UBE2E2: variants seen among roughly 807,000 people sequenced by gnomAD.
UBE2E2 encodes ubiquitin-conjugating enzyme E2 E2.
A neutral mutation model predicts 24.7 loss-of-function variants in UBE2E2; 6 were observed. The observed-to-expected ratio is 0.24, with a 90% confidence interval of 0.13 to 0.48. The LOEUF (loss-of-function observed/expected upper bound fraction) is 0.48, where lower values mean the gene tolerates loss of function less well. UBE2E2 is among the 20% of genes least tolerant of loss of function. UBE2E2 has a pLI of 0.99. For synonymous variants in UBE2E2, 104 were observed against 83.6 expected (o/e 1.24, Z -1.33); for missense variants, 169 against 245.0 (o/e 0.69, Z 2.07).
chr3:23,508,888 A>G (rs1362979901), intron 4 of UBE2E2, among the ~76,000 whole-genome samples: 4 of 152,218 alleles, frequency 2.6e-5, no homozygotes, highest in Non-Finnish European at 5.9e-5. Flanking sequence ...TTGGAAAATG[A>G]GGATCTTCTT....
chr3:23,570,696 A>G (rs1696198328), intron 5 of UBE2E2, among the ~76,000 whole-genome samples: 1 of 152,234 alleles, frequency 6.6e-6, no homozygotes, highest in South Asian at 2.1e-4. Context: ...GTATATTTCT[A>G]ACATGACTGT....
In UBE2E2 at chr3:23,314,390, A is replaced by C. The variant is rs143425468; in HGVS notation, c.227+97078A>C. ...AGTGATCCTCTCGCCTCTACCTCCT[A>C]AAGTGTTGGGATTACAGGTGTGAGC... On this transcript the variant is annotated intron_variant, in intron 3 of 5. Transcript: ENST00000396703. Among the ~76,000 whole-genome samples the C allele has an allele frequency of 4.0e-3, 605 of 152,158 alleles. 5 individuals carry two copies. Among genetic ancestry groups the C allele is most frequent in the African/African-American group, 0.013 (556 of 41,512 alleles).
chr3:23,306,688 T>A (rs1482608796), intron 3 of UBE2E2, among the ~76,000 whole-genome samples: 1 of 152,224 alleles, frequency 6.6e-6, no homozygotes, highest in East Asian at 1.9e-4. Flanking sequence ...GTTGGCTTTC[T>A]TATAGTACCA....
At chr3:23,410,677 G>T (rs1292009433) in intron 3 of UBE2E2, among the ~76,000 whole-genome samples, 1 of 152,158 alleles carries the variant, frequency 6.6e-6, no homozygotes, top group East Asian at 1.9e-4. Context: ...GTATGTAGAA[G>T]TAGTATGAAT....
At chr3:23,217,220 G>A in intron 2 of UBE2E2, 42 bp from the exon 3 acceptor site, 7 of 1,524,466 alleles carry the variant, frequency 4.6e-6, no homozygotes, top group Non-Finnish European at 6.4e-6. Flanking sequence ...TGTTAAGAGT[G>A]AAGATATTTT....
chr3:23,418,978 G>A (rs1297821995), intron 3 of UBE2E2, among the ~76,000 whole-genome samples: 10 of 144,366 alleles, frequency 6.9e-5, no homozygotes, highest in African/African-American at 1.8e-4. Flanking sequence ...TTTTGAGTCA[G>A]GGTCTTGCTC....
At chr3:23,293,603 T>A (rs1314995441) in intron 3 of UBE2E2, among the ~76,000 whole-genome samples, 1 of 152,208 alleles carries the variant, frequency 6.6e-6, no homozygotes, top group Non-Finnish European at 1.5e-5. Flanking sequence ...GAATTAATTC[T>A]CTATGATTAT....
Position 23,315,059 on chromosome 3 carries a change from T to G in UBE2E2, c.227+97747T>G, listed in dbSNP as rs530975181. Among the ~76,000 whole-genome samples the G allele has an allele frequency of 2.6e-5, 4 of 152,318 alleles. No individual in the cohort carries two copies. In the South Asian group the frequency reaches 8.3e-4, roughly 32 times the overall value. ...ACTTTCTACCTCTACCTCTCTCTCT[T>G]TACCTCCTCTTTAAGGGCAGTAACT... On this transcript the variant is annotated intron_variant, in intron 3 of 5. Transcript: ENST00000396703.
chr3:23,466,125 T>C (rs186978478), intron 3 of UBE2E2, among the ~76,000 whole-genome samples: 29 of 152,318 alleles, frequency 1.9e-4, no homozygotes, highest in African/African-American at 6.7e-4. Context: ...TTTTAAAAAT[T>C]ATAATTATAA....
intron 3 of UBE2E2, among the ~76,000 whole-genome samples, chr3:23,267,858 T>G (rs1464442992): frequency 6.7e-6 from 1 of 148,994 alleles, no homozygotes; most frequent in South Asian, 2.1e-4. Flanking sequence ...TTATCCACCA[T>G]GATCAAGTGG....
intron 3 of UBE2E2, among the ~76,000 whole-genome samples, chr3:23,410,127 A>T (rs370097043): frequency 6.6e-6 from 1 of 152,182 alleles, no homozygotes; most frequent in Non-Finnish European, 1.5e-5. Flanking sequence ...GCAGGAGGAT[A>T]AGTTTTCAGT....
intron 3 of UBE2E2, among the ~76,000 whole-genome samples, chr3:23,227,128 G>A: frequency 6.6e-6 from 1 of 152,154 alleles, no homozygotes; most frequent in Middle Eastern, 3.2e-3. Context: ...ATTGGCAGAA[G>A]TGGATTTGTC....
chr3:23,509,424 A>G (rs1318063148), intron 4 of UBE2E2, among the ~76,000 whole-genome samples: 1 of 152,188 alleles, frequency 6.6e-6, no homozygotes, highest in Non-Finnish European at 1.5e-5. Flanking sequence ...CTTTATTTAA[A>G]TATGTTACTT....
At chr3:23,436,748 T>C (rs1305928957) in intron 3 of UBE2E2, among the ~76,000 whole-genome samples, 4 of 152,248 alleles carry the variant, frequency 2.6e-5, no homozygotes, top group Non-Finnish European at 5.9e-5. Context: ...AAGTTCCCCC[T>C]CTGCAGCCAT....
chr3:23,352,051 A>G (rs1695771801), intron 3 of UBE2E2, among the ~76,000 whole-genome samples: 1 of 152,228 alleles, frequency 6.6e-6, no homozygotes, highest in Admixed American at 6.5e-5. Flanking sequence ...CCTCAGTGCA[A>G]TCAAACTAGA....
chr3:23,457,973 A>G (rs1424669804), intron 3 of UBE2E2, among the ~76,000 whole-genome samples: 1 of 152,168 alleles, frequency 6.6e-6, no homozygotes, highest in Non-Finnish European at 1.5e-5. Flanking sequence ...AAGCTCTTTC[A>G]CTTTCTTATC....
At chr3:23,504,317 C>T (rs1056573490) in intron 4 of UBE2E2, among the ~76,000 whole-genome samples, 2 of 152,076 alleles carry the variant, frequency 1.3e-5, no homozygotes, top group African/African-American at 4.8e-5. Context: ...TATAAATATA[C>T]CAAAATTTAA....
At chr3:23,227,599 A>C (rs939714972) in intron 3 of UBE2E2, among the ~76,000 whole-genome samples, 15 of 152,208 alleles carry the variant, frequency 9.9e-5, no homozygotes, top group African/African-American at 3.4e-4. Flanking sequence ...TTTTTAATTC[A>C]ATCCTGTGAG....
intron 3 of UBE2E2, among the ~76,000 whole-genome samples, chr3:23,442,939 T>C (rs996764797): frequency 2.0e-5 from 3 of 152,362 alleles, no homozygotes; most frequent in African/African-American, 7.2e-5. Flanking sequence ...ATATTAATAA[T>C]TGAACCAAAT....
Sources: gnomAD v4.1 joint callset for allele counts (sites outside exome capture counted in the v4.1 genomes callset) on GRCh38, gnomAD v4.1.1 for gene constraint, MANE v1.5 for transcripts, NCBI Gene and HGNC (gene_info 2026-07-23, HGNC 2026-07-21) for gene names.